RANBP2: variants seen among roughly 807,000 people sequenced by gnomAD.
RANBP2 encodes the protein RAN binding protein 2, also known as E3 SUMO-protein ligase RanBP2.
RANBP2 carries 57 observed loss-of-function variants against 303.6 expected under a neutral mutation model. That is an observed-to-expected ratio of 0.19 (90% confidence interval 0.15 to 0.23). The LOEUF (loss-of-function observed/expected upper bound fraction) is 0.23, where lower values mean the gene tolerates loss of function less well. RANBP2 is among the 10% of genes least tolerant of loss of function. The probability of loss-of-function intolerance (pLI) is 1.00; values close to 1 mark genes in which losing one functional copy is unlikely to be tolerated. For missense variants in RANBP2, 3,138 were observed against 3,780.8 expected, an observed-to-expected ratio of 0.83 and a Z score of 4.46; for synonymous variants, 1,167 against 1,301.5, an observed-to-expected ratio of 0.90 and a Z score of 2.23.
At chr2:108,971,970 T>C in the RANBP2 span, among the ~76,000 whole-genome samples, 1 of 152,128 alleles carries the variant, frequency 6.6e-6, no homozygotes, top group Admixed American at 6.5e-5. Flanking sequence ...CGTGGGGAGC[T>C]CCCGTGGCCC....
At chr2:109,256,236 C>T in the RANBP2 span, among the ~76,000 whole-genome samples, 7 of 152,304 alleles carry the variant, frequency 4.6e-5, no homozygotes, top group African/African-American at 1.4e-4. Context: ...GTTGGAGAGC[C>T]TGCCATGGAC....
the RANBP2 span, among the ~76,000 whole-genome samples, chr2:109,078,085 TA>T: frequency 5.8e-3 from 66 of 11,436 alleles, 3 homozygotes; most frequent in South Asian, 0.089. Context: ...TGAATATATA[TA>T]TATATATATA....
the RANBP2 span, among the ~76,000 whole-genome samples, chr2:109,217,066 A>C: frequency 6.6e-6 from 1 of 152,232 alleles, no homozygotes; most frequent in African/African-American, 2.4e-5. Context: ...CACTCAGCAC[A>C]GTGTCCTCTA....
chr2:109,264,409 C>T, the RANBP2 span, among the ~76,000 whole-genome samples: 1 of 152,150 alleles, frequency 6.6e-6, no homozygotes, highest in Non-Finnish European at 1.5e-5. Flanking sequence ...TGTGGGTGCC[C>T]CCCATCCACC....
the RANBP2 span, chr2:109,585,823 G>A: frequency 3.7e-6 from 6 of 1,607,678 alleles, no homozygotes; most frequent in Middle Eastern, 1.7e-4. Context: ...GTCAACGAAC[G>A]AATGTTTTCT....
At chr2:109,304,757 T>C in the RANBP2 span, among the ~76,000 whole-genome samples, 1 of 152,168 alleles carries the variant, frequency 6.6e-6, no homozygotes, top group Non-Finnish European at 1.5e-5. Context: ...AGGTGCAGCC[T>C]GTGGAGGAAA....
chr2:109,065,029 C>A, the RANBP2 span, among the ~76,000 whole-genome samples: 2 of 152,254 alleles, frequency 1.3e-5, no homozygotes, highest in South Asian at 2.1e-4. Flanking sequence ...TAATGTCTAA[C>A]ACTTAGACTT....
At chr2:109,305,525 G>A in the RANBP2 span, among the ~76,000 whole-genome samples, 3 of 152,166 alleles carry the variant, frequency 2.0e-5, no homozygotes, top group Non-Finnish European at 4.4e-5. Context: ...CACTCTGGGC[G>A]CAGAAGTGCT....
At chr2:109,155,978 C>T in the RANBP2 span, among the ~76,000 whole-genome samples, 2 of 152,226 alleles carry the variant, frequency 1.3e-5, no homozygotes, top group Non-Finnish European at 2.9e-5. Flanking sequence ...TCACTGAGCT[C>T]TGCAGGGATT....
At chr2:109,377,889 C>T in the RANBP2 span, among the ~76,000 whole-genome samples, 255 of 152,282 alleles carry the variant, frequency 1.7e-3, 1 homozygote, top group East Asian at 9.7e-3. Flanking sequence ...GCTCTTGAGA[C>T]GTTTGGTGGT....
chr2:108,949,511 T>C, the RANBP2 span, among the ~76,000 whole-genome samples: 2 of 152,228 alleles, frequency 1.3e-5, no homozygotes, highest in Admixed American at 1.3e-4. Flanking sequence ...GGACATCCAC[T>C]TCCTGCTGCC....
the RANBP2 span, among the ~76,000 whole-genome samples, chr2:109,588,085 T>C: frequency 6.6e-6 from 1 of 151,258 alleles, no homozygotes; most frequent in Non-Finnish European, 1.5e-5. Flanking sequence ...GACAAAACAA[T>C]GACCCCTATA....
At chr2:109,659,426 C>A in the RANBP2 span, among the ~76,000 whole-genome samples, 1 of 152,184 alleles carries the variant, frequency 6.6e-6, no homozygotes, top group Non-Finnish European at 1.5e-5. Context: ...ACAGCACCCC[C>A]GTGGCCCCAG....
the RANBP2 span, among the ~76,000 whole-genome samples, chr2:109,537,100 A>AC: frequency 6.6e-6 from 1 of 152,232 alleles, no homozygotes; most frequent in Non-Finnish European, 1.5e-5. Flanking sequence ...GTAAGGGGAT[A>AC]ACTCTGGCCA....
At chr2:108,924,315 C>A in the RANBP2 span, among the ~76,000 whole-genome samples, 2 of 152,260 alleles carry the variant, frequency 1.3e-5, no homozygotes, top group African/African-American at 4.8e-5. Context: ...GGCACAGCCC[C>A]TGCTGGCACC....
the RANBP2 span, among the ~76,000 whole-genome samples, chr2:109,590,721 G>C: frequency 1.3e-5 from 2 of 152,098 alleles, no homozygotes; most frequent in African/African-American, 2.4e-5. Context: ...GAGCCATTAT[G>C]CCCAGCCATG....
chr2:109,246,210 C>T, the RANBP2 span, among the ~76,000 whole-genome samples: 6 of 152,330 alleles, frequency 3.9e-5, no homozygotes, highest in East Asian at 3.9e-4. Context: ...ATACCGTAAA[C>T]GCAGTGGTTT....
At chr2:109,537,645 A>T in the RANBP2 span, among the ~76,000 whole-genome samples, 1 of 152,108 alleles carries the variant, frequency 6.6e-6, no homozygotes, top group Non-Finnish European at 1.5e-5. Flanking sequence ...GGCTTAAAGT[A>T]ATACAAATGT....
the RANBP2 span, among the ~76,000 whole-genome samples, chr2:109,625,102 A>AAG: frequency 1.3e-5 from 2 of 150,344 alleles, no homozygotes; most frequent in African/African-American, 4.9e-5. Context: ...AAAAAAAAAA[A>AAG]AAAAAGAAAA....
Sources: allele counts gnomAD v4.1 joint callset (sites outside exome capture counted in the v4.1 genomes callset), GRCh38; gene constraint gnomAD v4.1.1; transcripts MANE v1.5; gene names NCBI Gene and HGNC (gene_info 2026-07-23, HGNC 2026-07-21).